Variants in RAB4A observed in about 807,000 individuals in gnomAD.
RAB4A encodes ras-related protein Rab-4A.
A neutral mutation model predicts 34.5 loss-of-function variants in RAB4A; 20 were observed. The ratio of observed to expected loss-of-function variants is 0.58; its 90% CI spans 0.41 to 0.84. RAB4A has a LOEUF of 0.84. RAB4A is among the 40% of genes least tolerant of loss of function. The pLI is 0.00. For synonymous variants in RAB4A, 102 were observed against 100.0 expected (o/e 1.02, Z -0.12); for missense variants, 228 against 274.5 (o/e 0.83, Z 1.20).
At chr1:229,273,400 TTTCTTC>T (rs1656551506) in intron 1 of RAB4A, among the ~76,000 whole-genome samples, 1 of 152,246 alleles carries the variant, frequency 6.6e-6, no homozygotes. Context: ...AATTGAATCT[TTTCTTC>T]TAATAGAGGA....
At chr1:229,275,634 T>C (rs1034740117) in intron 1 of RAB4A, among the ~76,000 whole-genome samples, 16 of 144,952 alleles carry the variant, frequency 1.1e-4, no homozygotes, top group Non-Finnish European at 1.8e-4. Flanking sequence ...TTTTTTTTTT[T>C]CTTTGAGATA....
At chr1:229,272,967 C>A (rs1441972590) in intron 1 of RAB4A, among the ~76,000 whole-genome samples, 1 of 152,222 alleles carries the variant, frequency 6.6e-6, no homozygotes, top group African/African-American at 2.4e-5. Context: ...TCTGGTTCTT[C>A]CTGTAGAGAA....
Position 229,288,818 on chromosome 1 carries a change from G to C in RAB4A, c.202G>C (p.Asp68His). The C allele has an allele frequency of 1.3e-6, 2 of 1,574,762 alleles. No individual in the cohort carries two copies. The highest frequency in any genetic ancestry group is 1.7e-6 in the Non-Finnish European group (2 of 1,147,270). The change falls in exon 3 of 8, where the codon GAT becomes CAT. Residue 68 changes from aspartate (D) to histidine (H), a missense_variant. Transcript: ENST00000366690. ...GGKYVKLQIW[D>H]TAGQERFRSV... ...TAAATATGTAAAGTTACAAATATGG[G>C]ATACAGCAGGACAAGAACGATTCAG...
At chr1:229,300,181 C>T (rs758651612) in intron 6 of RAB4A, among the ~76,000 whole-genome samples, 44 of 152,144 alleles carry the variant, frequency 2.9e-4, no homozygotes, top group Non-Finnish European at 5.3e-4. Flanking sequence ...GTCGAGGCAC[C>T]AGTGTTTTTA....
chr1:229,288,128 G>A (rs769477895), intron 2 of RAB4A, among the ~76,000 whole-genome samples: 4 of 152,122 alleles, frequency 2.6e-5, no homozygotes, highest in Non-Finnish European at 4.4e-5. Context: ...GGGGTTTATT[G>A]GAGGGTGTAT....
chr1:229,277,064 A>T (rs1049436117), intron 1 of RAB4A, among the ~76,000 whole-genome samples: 3 of 146,700 alleles, frequency 2.0e-5, no homozygotes, highest in African/African-American at 7.5e-5. Context: ...TTTATAATTT[A>T]TATATAATTA....
chr1:229,278,873 T>G (rs1656712749), intron 1 of RAB4A, among the ~76,000 whole-genome samples: 1 of 152,260 alleles, frequency 6.6e-6, no homozygotes, highest in Non-Finnish European at 1.5e-5. Flanking sequence ...TGATGATCAG[T>G]CAGTGGACAC....
At chr1:229,303,442 C>G (rs935854356) in intron 7 of RAB4A, among the ~76,000 whole-genome samples, 1 of 151,702 alleles carries the variant, frequency 6.6e-6, no homozygotes, top group Non-Finnish European at 1.5e-5. Context: ...ATAGGAAATT[C>G]TTATGCTCTT....
At chr1:229,302,309 A>ATTTTTTTTTTTTTTTT (rs869095524) in intron 6 of RAB4A, among the ~76,000 whole-genome samples, 9 of 35,898 alleles carry the variant, frequency 2.5e-4, no homozygotes, top group South Asian at 1.6e-3. Context: ...ATATATATAT[A>ATTTTTTTTTTTTTTTT]TTTTTTTTTT....
rs1491524938 is a variant in RAB4A at position 229,305,118 on chromosome 1, CAT to C, written c.*1327_*1328del. 6 of 1,572,826 alleles carry C rather than the reference CAT, an allele frequency of 3.8e-6. No homozygotes were observed. The highest frequency in any genetic ancestry group is 1.9e-5 in the Admixed American group (1 of 52,546). On this transcript the variant is annotated 3_prime_UTR_variant, in exon 8 of 8. Coordinates refer to ENST00000366690, the MANE Select transcript of RAB4A (RefSeq NM_004578.4). ...TTTTAATCAGCAGAGCACAGAGACA[CAT>C]AAAAACTCTGGGAAATGACTAGGAT... is the stretch of plus-strand genomic sequence containing the variant.
Position 229,302,257 on chromosome 1 carries a change from T to TTA in RAB4A, c.542-553_542-552dup, listed in dbSNP as rs58013219. On this transcript the variant is annotated intron_variant, in intron 6 of 7. Transcript: ENST00000366690. ...TTATAAGTAATGTTACAGTAAATAATTATATATATATATATATATATATAT... is the reference window on the plus strand; with the variant it reads ...TTATAAGTAATGTTACAGTAAATAATTATATATATATATATATATATATATAT... Among the ~76,000 whole-genome samples the TTA allele has an allele frequency of 2.9e-3, 129 of 44,304 alleles. 1 individual carries two copies. Among genetic ancestry groups the TTA allele is most frequent in the South Asian group, 3.4e-3 (3 of 886 alleles). 29.1% of individuals were successfully genotyped at this position (44,304 alleles called of 152,430 possible). A position where few individuals can be genotyped will look rare whatever the true frequency, so the allele number is the denominator to read the frequency against.
chr1:229,298,019 G>A (rs1003488220), intron 5 of RAB4A, among the ~76,000 whole-genome samples: 4 of 152,130 alleles, frequency 2.6e-5, no homozygotes, highest in South Asian at 4.1e-4. Flanking sequence ...AGAAAGGGAA[G>A]CGGAAGAAGA....
At chr1:229,296,124 T>C (rs539584981) in intron 4 of RAB4A, among the ~76,000 whole-genome samples, 20 of 152,342 alleles carry the variant, frequency 1.3e-4, no homozygotes, top group African/African-American at 4.8e-4. Context: ...GAAATGTGTT[T>C]GTAAGGTTTT....
At chr1:229,298,247 G>C (rs1359325179) in intron 5 of RAB4A, among the ~76,000 whole-genome samples, 1 of 152,154 alleles carries the variant, frequency 6.6e-6, no homozygotes, top group Non-Finnish European at 1.5e-5. Flanking sequence ...TGGACTCTAA[G>C]ATTCCAAATT....
intron 6 of RAB4A, among the ~76,000 whole-genome samples, chr1:229,300,173 C>T (rs985126788): frequency 2.0e-5 from 3 of 152,118 alleles, no homozygotes; most frequent in Admixed American, 6.5e-5. Flanking sequence ...GAAGTATGGT[C>T]GAGGCACCAG....
intron 2 of RAB4A, among the ~76,000 whole-genome samples, chr1:229,287,687 C>G (rs1232025274): frequency 6.6e-6 from 1 of 151,908 alleles, no homozygotes; most frequent in Non-Finnish European, 1.5e-5. Flanking sequence ...AGGATCTTAC[C>G]CTGCATTTTT....
chr1:229,277,277 G>C (rs977937816), intron 1 of RAB4A, among the ~76,000 whole-genome samples: 3 of 150,838 alleles, frequency 2.0e-5, no homozygotes, highest in Non-Finnish European at 4.4e-5. Flanking sequence ...TCAGGATTCC[G>C]CTGTGCCGAC....
At chr1:229,273,538 A>G (rs1054349589) in intron 1 of RAB4A, among the ~76,000 whole-genome samples, 1 of 152,202 alleles carries the variant, frequency 6.6e-6, no homozygotes, top group African/African-American at 2.4e-5. Context: ...TCAGGAGTTC[A>G]ATACCAGCCT....
intron 3 of RAB4A, among the ~76,000 whole-genome samples, chr1:229,294,968 G>C (rs1657197541): frequency 6.7e-6 from 1 of 149,678 alleles, no homozygotes; most frequent in South Asian, 2.1e-4. Flanking sequence ...GAAAAATCCT[G>C]AACTCCTGGC....
Sources: gnomAD v4.1 joint callset for allele counts (sites outside exome capture counted in the v4.1 genomes callset) on GRCh38, gnomAD v4.1.1 for gene constraint, MANE v1.5 for transcripts, NCBI Gene and HGNC (gene_info 2026-07-23, HGNC 2026-07-21) for gene names.